Variants in MCM3AP observed in about 807,000 individuals in gnomAD.
MCM3AP encodes the protein germinal-center associated nuclear protein.
A neutral mutation model predicts 184.1 loss-of-function variants in MCM3AP; 126 were observed. The observed-to-expected ratio is 0.68, with a 90% CI of 0.59 to 0.79. The LOEUF is 0.79. Among genes scored for constraint, MCM3AP ranks in the 30% least tolerant of loss-of-function variants. MCM3AP has a pLI of 0.00. For missense variants in MCM3AP, 2,496 were observed against 2,479.2 expected (o/e 1.01, Z -0.14); for synonymous variants, 1,002 against 979.3 (o/e 1.02, Z -0.43).
intron 8 of MCM3AP, 48 bp from the exon 9 acceptor site, chr21:46,270,611 G>A: frequency 6.8e-7 from 1 of 1,476,796 alleles, no homozygotes; most frequent in Non-Finnish European, 9.2e-7. Context: ...TTTTAAATAA[G>A]ACAAAATTTT....
chr21:46,273,287 T>G, intron 7 of MCM3AP, 101 bp downstream of exon 7: 2 of 1,189,774 alleles, frequency 1.7e-6, no homozygotes, highest in Non-Finnish European at 2.4e-6. Flanking sequence ...CAAAAGTACA[T>G]TTTTGTTACA....
In MCM3AP at chr21:46,265,381, G is replaced by A; in HGVS notation, c.3174C>T (p.Phe1058=). 1 of 1,614,048 alleles carries A rather than the reference G, an allele frequency of 6.2e-7. No individual in the cohort carries two copies. Among genetic ancestry groups the A allele is most frequent in the South Asian group, 1.1e-5 (1 of 91,078 alleles). Reference sequence around the variant, plus strand: ...GTGGTTCAGGCTGCACAGACAGCTGGAAGAGGCTGGGCGCCACAGACGGGG... The same window carrying A: ...GTGGTTCAGGCTGCACAGACAGCTGAAAGAGGCTGGGCGCCACAGACGGGG... ...ALTPSVAPSL[F]QLSVQPEPPP... is the part of the protein sequence containing the mutation. Residue 1058 remains phenylalanine, a synonymous_variant, in exon 12 of 28, where the codon TTC becomes TTT. Coordinates refer to ENST00000291688, the MANE Select transcript of MCM3AP (RefSeq NM_003906.5).
chr21:46,266,781 G>A, intron 10 of MCM3AP: 6 of 591,066 alleles, frequency 1.0e-5, no homozygotes, highest in Non-Finnish European at 1.8e-5. Context: ...AAAGAACTTG[G>A]TCTGAGCCCT....
At chr21:46,248,732 A>T (rs2080818776) in intron 20 of MCM3AP, among the ~76,000 whole-genome samples, 1 of 152,192 alleles carries the variant, frequency 6.6e-6, no homozygotes, top group Non-Finnish European at 1.5e-5. Flanking sequence ...GATGCTATGA[A>T]AAAGTCATGA....
Position 46,246,637 on chromosome 21 carries a change from C to A in MCM3AP, c.4540G>T (p.Val1514Leu), listed in dbSNP as rs549234804. ...SPGGDAVEKE[V>L]EDGLMLQDLV... Reference sequence around the variant, plus strand: ...GACTTCCTTCACAAACCATCTTCTACTTCCTTCTCAACGGCGTCCCCTCCT... The same window carrying A: ...GACTTCCTTCACAAACCATCTTCTAATTCCTTCTCAACGGCGTCCCCTCCT... Residue 1514 changes from valine to leucine, a missense_variant, in exon 21 of 28, where the codon GTA becomes TTA. Around this residue, in one of 5 missense-constraint regions of MCM3AP, gnomAD observed 1,323 missense variants for 1,273.4 expected, o/e 1.04. Transcript: ENST00000291688. 1 of 1,610,574 alleles carries A rather than the reference C, an allele frequency of 6.2e-7. No homozygotes were observed. Among genetic ancestry groups the A allele is most frequent in the East Asian group, 2.2e-5 (1 of 44,780 alleles).
chr21:46,281,797 C>T (rs963940058), intron 2 of MCM3AP, among the ~76,000 whole-genome samples: 18 of 151,804 alleles, frequency 1.2e-4, no homozygotes, highest in African/African-American at 2.4e-4. Flanking sequence ...GTCAGGAGTT[C>T]GAGACCAGCC....
intron 2 of MCM3AP, 32 bp downstream of exon 2, chr21:46,283,583 A>T: frequency 6.8e-7 from 1 of 1,468,008 alleles, no homozygotes; most frequent in Non-Finnish European, 9.5e-7. Flanking sequence ...GTTCAAATCT[A>T]GGGTAACAAA....
rs147295800 is a variant in MCM3AP at position 46,243,525 on chromosome 21, C to T, written c.5236G>A (p.Ala1746Thr). 1.4e-4 allele frequency: 231 copies of T among 1,614,136 alleles called. No individual in the cohort carries two copies. The highest frequency in any genetic ancestry group is 1.3e-3 in the African/African-American group (97 of 75,034). The change falls in exon 24 of 28, where the codon GCC (alanine) becomes ACC (threonine). Residue 1746 changes from alanine (A) to threonine (T), a missense_variant. Transcript: ENST00000291688. ...VMEIPWDDLIALCINHKLRDW... is the reference protein window; with the variant it reads ...VMEIPWDDLITLCINHKLRDW... The stretch of plus-strand genomic sequence containing the variant: ...CTCAGCTTGTGGTTGATACACAAGG[C>T]GATAAGATCATCCCATGGGATCTCC...
intron 23 of MCM3AP, chr21:46,244,586 G>A (rs753006905): frequency 1.2e-5 from 7 of 582,946 alleles, no homozygotes; most frequent in Admixed American, 3.1e-5. Context: ...TGCTGGTCAG[G>A]AAAGGCTAAC....
Position 46,260,781 on chromosome 21 carries a change from C to T in MCM3AP, c.3581+12G>A, listed in dbSNP as rs768570926. ...CTCTCCTGGCACAGCAAGACACCAG[C>T]GTTTCACTTACTTCAACTCCTGGGA... is the stretch of plus-strand genomic sequence containing the variant. On this transcript the variant is annotated intron_variant, in intron 15 of 27. Transcript: ENST00000291688. The T allele has an allele frequency of 1.0e-5, 16 of 1,586,418 alleles. No homozygotes were observed. Among genetic ancestry groups the T allele is most frequent in the Admixed American group, 6.7e-5 (4 of 59,944 alleles).
At chr21:46,242,682 G>C in intron 25 of MCM3AP, 120 bp downstream of exon 25, 7 of 962,832 alleles carry the variant, frequency 7.3e-6, no homozygotes, top group Middle Eastern at 2.2e-4. Flanking sequence ...GTTCCTTGAG[G>C]ATTTGTCACA....
At chr21:46,239,414 T>C (rs982703734) in intron 26 of MCM3AP, among the ~76,000 whole-genome samples, 1 of 152,164 alleles carries the variant, frequency 6.6e-6, no homozygotes, top group African/African-American at 2.4e-5. Flanking sequence ...TCATAACAAG[T>C]GGTCCAATTC....
Position 46,244,789 on chromosome 21 carries a change from C to T in MCM3AP, c.5038+18G>A. On this transcript the variant is annotated intron_variant, in intron 23 of 27. Coordinates refer to ENST00000291688, the MANE Select transcript of MCM3AP (RefSeq NM_003906.5). The stretch of plus-strand genomic sequence containing the variant: ...TGGCTGCAGCCACCCACCAGACCTC[C>T]CCAGGTCAAGCACGTACCCCCCAGG... The T allele has an allele frequency of 6.3e-7, 1 of 1,590,496 alleles. No homozygotes were observed. Among genetic ancestry groups the T allele is most frequent in the Non-Finnish European group, 8.6e-7 (1 of 1,167,472 alleles).
rs767782671 is a variant in MCM3AP at position 46,275,334 on chromosome 21, C to T, written c.1859-9G>A. On this transcript the variant is annotated splice_polypyrimidine_tract_variant and intron_variant, in intron 5 of 27. Transcript: ENST00000291688. ...GGTTCTCTTCACCCGAGCTAAATGACGTCAAGTAAAAGGTAAGAATGTACC... is the reference window on the plus strand; with the variant it reads ...GGTTCTCTTCACCCGAGCTAAATGATGTCAAGTAAAAGGTAAGAATGTACC... 6 of 1,609,476 alleles carry T rather than the reference C, an allele frequency of 3.7e-6. No homozygotes were observed. Among genetic ancestry groups the T allele is most frequent in the African/African-American group, 2.7e-5 (2 of 74,618 alleles).
chr21:46,254,969 A>T (rs980660186), intron 17 of MCM3AP, 125 bp from the exon 18 acceptor site: 3 of 710,168 alleles, frequency 4.2e-6, no homozygotes, highest in Non-Finnish European at 7.7e-6. Flanking sequence ...GGGTTAGAGG[A>T]TTCCTTCATT....
rs1319790524 is a variant in MCM3AP at position 46,265,960 on chromosome 21, G to A, written c.2996C>T (p.Pro999Leu). 1 of 1,598,180 alleles carries A rather than the reference G, an allele frequency of 6.3e-7. No homozygotes were observed. The highest frequency in any genetic ancestry group is 1.7e-5 in the Admixed American group (1 of 59,368). The change falls in exon 11 of 28, where the codon CCC becomes CTC. Residue 999 changes from proline (P) to leucine (L), a missense_variant. Coordinates refer to ENST00000291688, the MANE Select transcript of MCM3AP (RefSeq NM_003906.5). ...YIGESLAAELPVSTQRPGSDT... is the reference protein window; with the variant it reads ...YIGESLAAELLVSTQRPGSDT... ...GGAGCCGGGTCTCTGGGTGCTGACG[G>A]GCAGCTCCGCGGCCAGGCTCTCCCC...
intron 8 of MCM3AP, among the ~76,000 whole-genome samples, chr21:46,271,028 T>C (rs2081172173): frequency 1.3e-5 from 2 of 152,328 alleles, no homozygotes; most frequent in Admixed American, 6.5e-5. Flanking sequence ...CTGTGCTGGA[T>C]GGTAAAGTCT....
intron 25 of MCM3AP, chr21:46,241,956 A>T (rs2080674074): frequency 6.6e-6 from 1 of 152,220 alleles, no homozygotes; most frequent in African/African-American, 2.4e-5. Context: ...AAGAAGGAAC[A>T]GCAAAGTTCC....
chr21:46,263,554 C>T (rs1199343901), intron 13 of MCM3AP, among the ~76,000 whole-genome samples: 1 of 151,892 alleles, frequency 6.6e-6, no homozygotes, highest in East Asian at 1.9e-4. Flanking sequence ...GAGGCTGAGG[C>T]AGGTGGATCA....
Sources: gnomAD v4.1 joint callset for allele counts (sites outside exome capture counted in the v4.1 genomes callset) on GRCh38, gnomAD v4.1.1 for gene constraint, gnomAD v4.1.1 regional missense constraint, MANE v1.5 for transcripts, NCBI Gene and HGNC (gene_info 2026-07-23, HGNC 2026-07-21) for gene names.